Variants in MEIS2 observed in about 807,000 individuals in gnomAD.
The protein encoded by MEIS2 is Meis homeobox 2, also known as homeobox protein Meis2.
In MEIS2, 9 loss-of-function variants were observed where a neutral mutation model predicts 58.6. That is an observed-to-expected ratio of 0.15 (90% CI 0.09 to 0.27). MEIS2 has a LOEUF of 0.27. Among genes scored for constraint, MEIS2 ranks in the 10% least tolerant of loss-of-function variants. MEIS2 has a pLI of 1.00. For synonymous variants in MEIS2, 221 were observed against 228.4 expected, an observed-to-expected ratio of 0.97 and a Z score of 0.29; for missense variants, 427 against 635.0, an observed-to-expected ratio of 0.67 and a Z score of 3.52.
chr15:37,037,710 C>G (rs1382242294), intron 7 of MEIS2, among the ~76,000 whole-genome samples: 1 of 152,238 alleles, frequency 6.6e-6, no homozygotes, highest in Non-Finnish European at 1.5e-5. Context: ...GCCTTGAAAG[C>G]CTGCCTGGAG....
At chr15:37,005,589 G>A (rs1271268097) in intron 8 of MEIS2, among the ~76,000 whole-genome samples, 1 of 151,858 alleles carries the variant, frequency 6.6e-6, no homozygotes, top group Non-Finnish European at 1.5e-5. Context: ...TTTGAGATAA[G>A]GTCTCCCTCT....
intron 2 of MEIS2, 75 bp from the exon 3 acceptor site, chr15:37,096,505 A>G (rs1894271132): frequency 6.5e-7 from 1 of 1,550,300 alleles, no homozygotes; most frequent in East Asian, 2.3e-5. Flanking sequence ...ACTGTAATCA[A>G]CAAGTTTGGA....
At chr15:36,909,637 A>G (rs1595700480) in intron 9 of MEIS2, among the ~76,000 whole-genome samples, 1 of 152,278 alleles carries the variant, frequency 6.6e-6, no homozygotes, top group East Asian at 1.9e-4. Flanking sequence ...GACTAGAGGT[A>G]TTAGTTAAAG....
rs780316531 is a variant in MEIS2, at chr15:37,094,593, A to G, written c.439-16T>C. The G allele has an allele frequency of 1.9e-6, 3 of 1,609,372 alleles. No homozygotes were observed. The highest frequency in any genetic ancestry group is 2.5e-6 in the Non-Finnish European group (3 of 1,177,714). Reference sequence around the variant, plus strand: ...CTTGTATCATCTGAAAGAAAAGTTCAGGGAATGGAGTTAGAGCTCTGTGAC... The same window carrying G: ...CTTGTATCATCTGAAAGAAAAGTTCGGGGAATGGAGTTAGAGCTCTGTGAC... On this transcript the variant is annotated splice_polypyrimidine_tract_variant and intron_variant, in intron 4 of 11. Coordinates refer to ENST00000561208, the MANE Select transcript of MEIS2 (RefSeq NM_170675.5).
At chr15:36,963,236 C>T (rs139871037) in intron 8 of MEIS2, among the ~76,000 whole-genome samples, 1,883 of 152,138 alleles carry the variant, frequency 0.012, 45 homozygotes, top group African/African-American at 0.043. Flanking sequence ...AAAATTTAGC[C>T]GGGCATGGTG....
chr15:36,990,014 G>A (rs963063521), intron 8 of MEIS2, among the ~76,000 whole-genome samples: 15 of 152,146 alleles, frequency 9.9e-5, no homozygotes, highest in African/African-American at 2.7e-4. Context: ...GCACAATCTC[G>A]GCTAACTGCA....
At chr15:36,988,948 T>C (rs983050939) in intron 8 of MEIS2, among the ~76,000 whole-genome samples, 5 of 152,038 alleles carry the variant, frequency 3.3e-5, no homozygotes, top group Admixed American at 2.6e-4. Context: ...CATTAAGAAA[T>C]GAAAAAAGGC....
intron 8 of MEIS2, among the ~76,000 whole-genome samples, chr15:36,951,847 T>C (rs1303494888): frequency 6.6e-6 from 1 of 151,980 alleles, no homozygotes; most frequent in Non-Finnish European, 1.5e-5. Context: ...TCCCCTCCTT[T>C]CCCCCTCCTG....
At chr15:37,010,222 G>C (rs1595918511) in intron 8 of MEIS2, among the ~76,000 whole-genome samples, 1 of 151,806 alleles carries the variant, frequency 6.6e-6, no homozygotes. Flanking sequence ...CGAGTAGCTG[G>C]GACTACAGGC....
intron 11 of MEIS2, among the ~76,000 whole-genome samples, chr15:36,892,786 C>G (rs1342133031): frequency 6.6e-6 from 1 of 152,132 alleles, no homozygotes; most frequent in Admixed American, 6.5e-5. Context: ...CGAGTTTTAT[C>G]AGTTAACTGT....
chr15:36,968,284 G>A (rs1030603965), intron 8 of MEIS2, among the ~76,000 whole-genome samples: 1 of 152,136 alleles, frequency 6.6e-6, no homozygotes, highest in African/African-American at 2.4e-5. Flanking sequence ...ATTTTCTTTA[G>A]ATGCTGGTTA....
intron 11 of MEIS2, chr15:36,894,741 T>C: frequency 6.2e-7 from 1 of 1,613,744 alleles, no homozygotes; most frequent in Non-Finnish European, 8.5e-7. Flanking sequence ...GCGATTGCTT[T>C]ACATGATGAA....
chr15:37,036,760 C>T, intron 8 of MEIS2, 54 bp downstream of exon 8: 1 of 1,581,244 alleles, frequency 6.3e-7, no homozygotes, highest in Admixed American at 1.8e-5. Flanking sequence ...GACCGTATAA[C>T]TTGCTAGCAA....
At chr15:37,078,360 T>C (rs1446863681) in intron 7 of MEIS2, among the ~76,000 whole-genome samples, 2 of 151,708 alleles carry the variant, frequency 1.3e-5, no homozygotes, top group Non-Finnish European at 1.5e-5. Context: ...CTTTGACTTA[T>C]TATCGAGATT....
At chr15:36,968,340 G>A (rs907807991) in intron 8 of MEIS2, among the ~76,000 whole-genome samples, 5 of 152,106 alleles carry the variant, frequency 3.3e-5, no homozygotes, top group Non-Finnish European at 7.4e-5. Context: ...AAGGATCTTT[G>A]ATAAGCCTGT....
At chr15:37,041,712 G>C (rs2062431168) in intron 7 of MEIS2, among the ~76,000 whole-genome samples, 1 of 152,106 alleles carries the variant, frequency 6.6e-6, no homozygotes, top group African/African-American at 2.4e-5. Flanking sequence ...TCAGATGATT[G>C]ATTCTAAATT....
intron 9 of MEIS2, among the ~76,000 whole-genome samples, chr15:36,914,869 C>T (rs1595713296): frequency 6.6e-6 from 1 of 152,156 alleles, no homozygotes; most frequent in East Asian, 1.9e-4. Flanking sequence ...ATACCAATAG[C>T]TTTGCAGGAC....
At chr15:36,989,126 C>T (rs1026965122) in intron 8 of MEIS2, among the ~76,000 whole-genome samples, 2 of 152,168 alleles carry the variant, frequency 1.3e-5, no homozygotes, top group Non-Finnish European at 2.9e-5. Flanking sequence ...CTTGACATTT[C>T]CTTCATTTGC....
At chr15:36,935,675 A>G (rs180855863) in intron 9 of MEIS2, among the ~76,000 whole-genome samples, 1 of 152,106 alleles carries the variant, frequency 6.6e-6, no homozygotes, top group South Asian at 2.1e-4. Flanking sequence ...AAATGAAAAA[A>G]CTTTGGAGGC....
Sources: gnomAD v4.1 joint callset for allele counts (sites outside exome capture counted in the v4.1 genomes callset) on GRCh38, gnomAD v4.1.1 for gene constraint, MANE v1.5 for transcripts, NCBI Gene and HGNC (gene_info 2026-07-23, HGNC 2026-07-21) for gene names.